Variants in KBTBD11 observed in about 807,000 individuals in gnomAD.
The protein encoded by KBTBD11 is kelch repeat and BTB domain-containing protein 11.
For synonymous variants in KBTBD11, 747 were observed against 499.0 expected (o/e 1.50, Z -6.63); for missense variants, 1,390 against 1,001.8 (o/e 1.39, Z -5.23).
chr8:1,993,277 C>G (rs1449444025), intron 1 of KBTBD11, among the ~76,000 whole-genome samples: 1 of 152,016 alleles, frequency 6.6e-6, no homozygotes, highest in East Asian at 1.9e-4. Flanking sequence ...TTTTCAGTTA[C>G]CATTGTTTTA....
chr8:1,989,070 G>C (rs1816790835), intron 1 of KBTBD11, among the ~76,000 whole-genome samples: 1 of 152,284 alleles, frequency 6.6e-6, no homozygotes, highest in Middle Eastern at 3.4e-3. Flanking sequence ...TTGGGTTTCA[G>C]AGCTGGACAT....
intron 1 of KBTBD11, among the ~76,000 whole-genome samples, chr8:1,999,293 T>G (rs537285334): frequency 2.0e-4 from 31 of 152,332 alleles, no homozygotes; most frequent in South Asian, 6.2e-4. Context: ...GGTAATGCTA[T>G]TGCACATAAT....
rs1817502675 is a variant in KBTBD11 at position 2,004,182 on chromosome 8, A to G, written c.*1118A>G. On this transcript the variant is annotated 3_prime_UTR_variant, in exon 2 of 2. Coordinates refer to ENST00000320248, the MANE Select transcript of KBTBD11 (RefSeq NM_014867.3). ...CTTATCACCATAGATTTGCAAGTAA[A>G]CTGCATGTATTTAATTGTATTGAAT... The G allele has an allele frequency of 6.0e-6, 1 of 167,074 alleles. No individual in the cohort carries two copies. Among genetic ancestry groups the G allele is most frequent in the Non-Finnish European group, 1.5e-5 (1 of 68,132 alleles). 10.3% of individuals were successfully genotyped at this position (167,074 alleles called of 1,614,324 possible).
rs113389737 is a variant in KBTBD11, at chr8:2,000,754, A to T, written c.-439A>T. 2.5e-5 allele frequency: 4 copies of T among 160,894 alleles called. No homozygotes were observed. The highest frequency in any genetic ancestry group is 2.0e-4 in the South Asian group (1 of 4,894). The allele number at this position is 160,894 out of a possible 1,614,324, so 10.0% of individuals were successfully genotyped here. ...TGGTACTGCAGAGAGACACCTAGTC[A>T]GCCAGCGTTGCAAAGAGGGATAGCT... On this transcript the variant is annotated 5_prime_UTR_variant, in exon 2 of 2. Transcript: ENST00000320248.
Position 2,003,170 on chromosome 8 carries a change from C to T in KBTBD11, c.*106C>T. 2.4e-6 allele frequency: 3 copies of T among 1,245,824 alleles called. No homozygotes were observed. The highest frequency in any genetic ancestry group is 3.0e-6 in the Non-Finnish European group (3 of 987,346). 77.2% of individuals were successfully genotyped at this position (1,245,824 alleles called of 1,614,324 possible). On this transcript the variant is annotated 3_prime_UTR_variant, in exon 2 of 2. Transcript: ENST00000320248. ...TGGGGAGTCGGGGCCGCTGGCCACG[C>T]TGGTGGTTTGGACACTTCGAAGGAG... is the stretch of plus-strand genomic sequence containing the variant.
Position 2,001,669 on chromosome 8 carries a change from G to T in KBTBD11, c.477G>T (p.Ala159=), listed in dbSNP as rs747494221. Reference sequence around the variant, plus strand: ...TGCGCGCGCACAAGGCGGTGCTGGCGGCGCGCAGCGACTACTTCCGCGCGC... The same window carrying T: ...TGCGCGCGCACAAGGCGGTGCTGGCTGCGCGCAGCGACTACTTCCGCGCGC... ...RRLRAHKAVL[A]ARSDYFRARA... Residue 159 remains alanine, a synonymous_variant, in exon 2 of 2, where the codon GCG becomes GCT. Coordinates refer to ENST00000320248, the MANE Select transcript of KBTBD11 (RefSeq NM_014867.3). 1.4e-6 allele frequency: 2 copies of T among 1,464,066 alleles called. No individual in the cohort carries two copies. Among genetic ancestry groups the T allele is most frequent in the South Asian group, 1.3e-5 (1 of 77,182 alleles). The allele number at this position is 1,464,066 out of a possible 1,614,324, so 90.7% of individuals were successfully genotyped here.
chr8:1,987,570 G>C lies in KBTBD11; in HGVS notation c.-908-12715G>C, dbSNP rs553796238. ...GCACCCCTGCGCTCCGGCCACCCTC[G>C]GTCTCTAGAACCTGTCAAGCTTGTC... On this transcript the variant is annotated intron_variant, in intron 1 of 1. Transcript: ENST00000320248. Among the ~76,000 whole-genome samples, 40 of 152,042 alleles carry C rather than the reference G, an allele frequency of 2.6e-4. 1 individual carries two copies. The highest frequency in any genetic ancestry group is 9.2e-4 in the African/African-American group (38 of 41,470).
intron 1 of KBTBD11, among the ~76,000 whole-genome samples, chr8:1,984,209 G>A (rs982975620): frequency 2.0e-4 from 31 of 152,084 alleles, no homozygotes; most frequent in African/African-American, 7.5e-4. Flanking sequence ...AGGCCGAGGT[G>A]GGAGGATCAC....
At chr8:1,974,742 A>G (rs1206807536) in intron 1 of KBTBD11, 2 of 981,864 alleles carry the variant, frequency 2.0e-6, no homozygotes, top group African/African-American at 3.5e-5. Flanking sequence ...CTCATTCTGG[A>G]GCATGAAAAG....
At chr8:1,983,673 ACCTATAGGAC>A (rs1816615203) in intron 1 of KBTBD11, among the ~76,000 whole-genome samples, 1 of 152,046 alleles carries the variant, frequency 6.6e-6, no homozygotes, top group African/African-American at 2.4e-5. Context: ...GAAATGTGTT[ACCTATAGGAC>A]CTGGGGCAGT....
At chr8:1,975,738 C>G (rs1402595712) in intron 1 of KBTBD11, among the ~76,000 whole-genome samples, 1 of 152,234 alleles carries the variant, frequency 6.6e-6, no homozygotes, top group Admixed American at 6.5e-5. Flanking sequence ...TCCCAGGGAG[C>G]AGGACTCTGT....
intron 1 of KBTBD11, among the ~76,000 whole-genome samples, chr8:1,989,192 A>G (rs1816817516): frequency 6.6e-6 from 1 of 152,206 alleles, no homozygotes; most frequent in Non-Finnish European, 1.5e-5. Flanking sequence ...GTCGGGCCAC[A>G]GGGAAGGGCA....
At chr8:1,978,233 G>T (rs1039934505) in intron 1 of KBTBD11, among the ~76,000 whole-genome samples, 1 of 152,192 alleles carries the variant, frequency 6.6e-6, no homozygotes, top group Admixed American at 6.5e-5. Context: ...CCACTTATAA[G>T]TGAGAACGTG....
In KBTBD11 at chr8:1,989,072, G is replaced by T. The variant is rs577734793; in HGVS notation, c.-908-11213G>T. Among the ~76,000 whole-genome samples, 303 of 152,276 alleles carry T rather than the reference G, an allele frequency of 2.0e-3. 1 individual carries two copies. Among genetic ancestry groups the T allele is most frequent in the Middle Eastern group, 3.4e-3 (1 of 294 alleles). On this transcript the variant is annotated intron_variant, in intron 1 of 1. Coordinates refer to ENST00000320248, the MANE Select transcript of KBTBD11 (RefSeq NM_014867.3). ...ACATTGCTCAGAGTTGGGTTTCAGA[G>T]CTGGACATTTCAGGAGAGTCTTTCA...
chr8:1,991,227 GAA>G (rs1816903991), intron 1 of KBTBD11, among the ~76,000 whole-genome samples: 1 of 152,258 alleles, frequency 6.6e-6, no homozygotes. Flanking sequence ...CTGCATGTGA[GAA>G]AGCTTGCTAG....
intron 1 of KBTBD11, among the ~76,000 whole-genome samples, chr8:1,989,055 C>T (rs1816790338): frequency 1.3e-5 from 2 of 152,126 alleles, no homozygotes; most frequent in South Asian, 4.1e-4. Context: ...AAACATTGCT[C>T]AGAGTTGGGT....
At chr8:1,996,695 A>G (rs1327598378) in intron 1 of KBTBD11, among the ~76,000 whole-genome samples, 2 of 152,232 alleles carry the variant, frequency 1.3e-5, no homozygotes, top group Non-Finnish European at 2.9e-5. Context: ...AGCAAGCAGT[A>G]TTATTAAAAT....
rs1454829717 is a variant in KBTBD11, at chr8:1,981,904, G to C, written c.-909+7969G>C. Reference sequence around the variant, plus strand: ...ACTGAGCCATGCCACTGGCTTCTCTGGTTCTCCAGCTTGCAGATAGCCTGT... The same window carrying C: ...ACTGAGCCATGCCACTGGCTTCTCTCGTTCTCCAGCTTGCAGATAGCCTGT... On this transcript the variant is annotated intron_variant, in intron 1 of 1. Transcript: ENST00000320248. Among the ~76,000 whole-genome samples, 3 of 152,236 alleles carry C rather than the reference G, an allele frequency of 2.0e-5. 1 individual carries two copies. Among genetic ancestry groups the C allele is most frequent in the Admixed American group, 2.0e-4 (3 of 15,292 alleles).
intron 1 of KBTBD11, chr8:1,974,220 G>A (rs1029974287): frequency 2.2e-6 from 2 of 900,984 alleles, no homozygotes; most frequent in African/African-American, 3.6e-5. Flanking sequence ...CCGCCTCCGG[G>A]AGGCCGCGTG....
Sources: allele counts gnomAD v4.1 joint callset (sites outside exome capture counted in the v4.1 genomes callset), GRCh38; gene constraint gnomAD v4.1.1; transcripts MANE v1.5; gene names NCBI Gene and HGNC (gene_info 2026-07-23, HGNC 2026-07-21).